The following TTC17 variants were observed in gnomAD, a reference collection of about 807,000 sequenced individuals.
The protein encoded by TTC17 is tetratricopeptide repeat protein 17.
A neutral mutation model predicts 143.8 loss-of-function variants in TTC17; 58 were observed. That is an observed-to-expected ratio of 0.40 (90% CI 0.33 to 0.50). TTC17 has a LOEUF of 0.50. Among genes scored for constraint, TTC17 ranks in the 20% least tolerant of loss-of-function variants. The probability of loss-of-function intolerance (pLI) is 0.49; values close to 1 mark genes in which losing one functional copy is unlikely to be tolerated. For synonymous variants in TTC17, 501 were observed against 497.8 expected (o/e 1.01, Z -0.09); for missense variants, 1,273 against 1,392.5 (o/e 0.91, Z 1.37).
chr11:43,463,919 A>G (rs1288544223), intron 21 of TTC17, among the ~76,000 whole-genome samples: 2 of 152,240 alleles, frequency 1.3e-5, no homozygotes. Context: ...AATACTGTAA[A>G]GGCAGCATCT....
At chr11:43,399,387 A>C (rs1236178932) in intron 8 of TTC17, among the ~76,000 whole-genome samples, 6 of 152,216 alleles carry the variant, frequency 3.9e-5, no homozygotes. Context: ...TTGTATTGCC[A>C]GGTGTCATGG....
chr11:43,418,676 A>G (rs1946832455), intron 16 of TTC17, among the ~76,000 whole-genome samples: 1 of 152,150 alleles, frequency 6.6e-6, no homozygotes, highest in South Asian at 2.1e-4. Context: ...ATTGGAAAAA[A>G]TAAAAGTGTC....
At chr11:43,453,126 A>G (rs1231642257) in intron 21 of TTC17, among the ~76,000 whole-genome samples, 2 of 152,090 alleles carry the variant, frequency 1.3e-5, no homozygotes, top group Non-Finnish European at 1.5e-5. Context: ...CAAGAGGAAT[A>G]CATCACAAAC....
intron 16 of TTC17, among the ~76,000 whole-genome samples, chr11:43,437,127 C>CT (rs1313184254): frequency 2.0e-5 from 3 of 151,830 alleles, no homozygotes; most frequent in Non-Finnish European, 1.5e-5. Flanking sequence ...TTAGCGTACT[C>CT]TTTATCTGGA....
chr11:43,405,495 A>G lies in TTC17; in HGVS notation c.1480-19A>G. On this transcript the variant is annotated intron_variant, in intron 11 of 23. Transcript: ENST00000039989. ...ATTGAATCCAAAGAAATTTATGAGA[A>G]ATTTTGTTTCTTTATCAGGACAAAC... The G allele has an allele frequency of 6.3e-7, 1 of 1,586,392 alleles. No homozygotes were observed.
intron 16 of TTC17, among the ~76,000 whole-genome samples, chr11:43,415,233 T>G (rs1014171448): frequency 3.3e-5 from 5 of 152,172 alleles, no homozygotes; most frequent in African/African-American, 1.2e-4. Flanking sequence ...TTTAATATAG[T>G]GACCCAACAT....
chr11:43,438,340 G>A (rs1009573416), intron 16 of TTC17, among the ~76,000 whole-genome samples: 1 of 152,244 alleles, frequency 6.6e-6, no homozygotes, highest in African/African-American at 2.4e-5. Flanking sequence ...TTGTATTTTA[G>A]TGCAGATGGG....
At chr11:43,450,297 T>C in intron 20 of TTC17, 56 bp downstream of exon 20, 3 of 1,538,032 alleles carry the variant, frequency 2.0e-6, no homozygotes, top group Non-Finnish European at 2.6e-6. Flanking sequence ...GGATGCACAT[T>C]GATACTACAT....
chr11:43,445,293 T>C (rs1055406752), intron 18 of TTC17, among the ~76,000 whole-genome samples: 2 of 152,192 alleles, frequency 1.3e-5, no homozygotes, highest in East Asian at 3.8e-4. Context: ...CTGTTTTTCT[T>C]TCTTAAATCC....
chr11:43,389,952 A>G, intron 3 of TTC17, 131 bp downstream of exon 3: 1 of 686,636 alleles, frequency 1.5e-6, no homozygotes, highest in Non-Finnish European at 2.4e-6. Context: ...AAAATTCAAA[A>G]TACATACTAC....
intron 2 of TTC17, 99 bp downstream of exon 2, chr11:43,379,421 T>A: frequency 2.8e-6 from 3 of 1,060,350 alleles, no homozygotes; most frequent in Non-Finnish European, 4.2e-6. Flanking sequence ...TTTTTAAGTC[T>A]GAGTCTTCTG....
chr11:43,404,233 C>T, intron 11 of TTC17, 89 bp downstream of exon 11: 4 of 1,273,992 alleles, frequency 3.1e-6, no homozygotes, highest in Non-Finnish European at 4.3e-6. Context: ...TTAATATGGC[C>T]TCTATGACTG....
intron 19 of TTC17, chr11:43,448,650 C>G (rs892152500): frequency 6.6e-6 from 1 of 152,660 alleles, no homozygotes; most frequent in East Asian, 1.9e-4. Context: ...TCCCAAAATT[C>G]CAATCAACAC....
At chr11:43,377,152 G>C (rs1215405656) in intron 1 of TTC17, among the ~76,000 whole-genome samples, 1 of 152,100 alleles carries the variant, frequency 6.6e-6, no homozygotes, top group East Asian at 1.9e-4. Context: ...ACTTAGCTGG[G>C]CGTAGTGGCG....
intron 2 of TTC17, among the ~76,000 whole-genome samples, chr11:43,380,987 G>C (rs922590755): frequency 1.3e-5 from 2 of 152,100 alleles, no homozygotes; most frequent in South Asian, 4.1e-4. Flanking sequence ...TTTTTTTCAG[G>C]TATATAGACA....
chr11:43,434,013 T>TA (rs1947220895), intron 16 of TTC17, among the ~76,000 whole-genome samples: 1 of 152,172 alleles, frequency 6.6e-6, no homozygotes, highest in African/African-American at 2.4e-5. Context: ...TTAATGCTCT[T>TA]ATGTTTAGCT....
chr11:43,446,907 G>A (rs1947554543), intron 18 of TTC17, among the ~76,000 whole-genome samples: 1 of 152,178 alleles, frequency 6.6e-6, no homozygotes, highest in Non-Finnish European at 1.5e-5. Flanking sequence ...CTTGTTGATT[G>A]GGAACATACA....
chr11:43,484,199 A>C (rs1056307878), intron 21 of TTC17, among the ~76,000 whole-genome samples: 2 of 152,106 alleles, frequency 1.3e-5, no homozygotes, highest in Non-Finnish European at 2.9e-5. Flanking sequence ...ACAAAATGTC[A>C]TTCAGAGGTG....
chr11:43,447,684 G>A (rs1425425365), intron 18 of TTC17: 4 of 209,698 alleles, frequency 1.9e-5, no homozygotes, highest in Non-Finnish European at 3.8e-5. Flanking sequence ...AAATACAGAG[G>A]GGCAAAAATT....
Sources: gnomAD v4.1 joint callset for allele counts (sites outside exome capture counted in the v4.1 genomes callset) on GRCh38, gnomAD v4.1.1 for gene constraint, MANE v1.5 for transcripts, NCBI Gene and HGNC (gene_info 2026-07-23, HGNC 2026-07-21) for gene names.